The following CCNG2 variants were observed in gnomAD, a reference collection of about 807,000 sequenced individuals.
CCNG2 encodes cyclin-G2.
Under a neutral mutation model 36.5 loss-of-function variants are expected in CCNG2, and 20 were observed. The ratio of observed to expected loss-of-function variants is 0.55; its 90% confidence interval spans 0.39 to 0.80. The LOEUF is 0.80. CCNG2 is among the 30% of genes least tolerant of loss of function. CCNG2 has a pLI of 0.00. For synonymous variants in CCNG2, 155 were observed against 140.1 expected (o/e 1.11, Z -0.75); for missense variants, 358 against 390.8 (o/e 0.92, Z 0.71).
At chr4:77,161,821 T>A in intron 6 of CCNG2, 74 bp downstream of exon 6, 2 of 846,872 alleles carry the variant, frequency 2.4e-6, no homozygotes, top group African/African-American at 1.7e-5. Flanking sequence ...ACTTAAACAT[T>A]AAGTAATACT....
At chr4:77,160,471 C>T (rs1577904723) in intron 3 of CCNG2, among the ~76,000 whole-genome samples, 1 of 149,736 alleles carries the variant, frequency 6.7e-6, no homozygotes, top group African/African-American at 2.5e-5. Flanking sequence ...CCTCCCACCT[C>T]AGCCTCCCAA....
At position 77,161,675 on chromosome 4, in the gene CCNG2, C is replaced by T. The variant is rs772381809; in HGVS notation, c.633C>T (p.Leu211=). 7 of 1,607,040 alleles carry T rather than the reference C, an allele frequency of 4.4e-6. No individual in the cohort carries two copies. Among genetic ancestry groups the T allele is most frequent in the Non-Finnish European group, 5.9e-6 (7 of 1,177,390 alleles). Residue 211 remains leucine, a synonymous_variant, in exon 6 of 8, where the codon CTC becomes CTT. Coordinates refer to ENST00000316355, the MANE Select transcript of CCNG2 (RefSeq NM_004354.3). ...AKPSVLALCL[L]NLEVETLKSV... Reference sequence around the variant, plus strand: ...CATCTGTATTAGCCTTGTGCCTTCTCAATTTGGAAGTGGAAACTTTGAAAT... The same window carrying T: ...CATCTGTATTAGCCTTGTGCCTTCTTAATTTGGAAGTGGAAACTTTGAAAT...
Sources: gnomAD v4.1 joint callset for allele counts (sites outside exome capture counted in the v4.1 genomes callset) on GRCh38, gnomAD v4.1.1 for gene constraint, MANE v1.5 for transcripts, NCBI Gene and HGNC (gene_info 2026-07-23, HGNC 2026-07-21) for gene names.